The following GAB1 variants were observed in gnomAD, a reference collection of about 807,000 sequenced individuals.
GAB1 encodes GRB2 associated binding protein 1.
A neutral mutation model predicts 66.5 loss-of-function variants in GAB1; 19 were observed. That is an observed-to-expected ratio of 0.29 (90% CI 0.20 to 0.42). The LOEUF is 0.42. Among genes scored for constraint, GAB1 ranks in the 10% least tolerant of loss-of-function variants. The pLI is 1.00. For missense variants in GAB1, 732 were observed against 858.5 expected (o/e 0.85, Z 1.84); for synonymous variants, 294 against 301.4 (o/e 0.98, Z 0.25).
chr4:143,367,106 AC>A (rs1729913577), intron 1 of GAB1, among the ~76,000 whole-genome samples: 1 of 152,212 alleles, frequency 6.6e-6, no homozygotes. Context: ...TGAGACAGGG[AC>A]ATTTCTGTTG....
Position 143,469,473 on chromosome 4 carries a change from T to A in GAB1, c.*284T>A. 1 of 275,036 alleles carries A rather than the reference T, an allele frequency of 3.6e-6. No individual in the cohort carries two copies. Among genetic ancestry groups the A allele is most frequent in the East Asian group, 6.1e-5 (1 of 16,328 alleles). 17.0% of individuals were successfully genotyped at this position (275,036 alleles called of 1,614,324 possible). A position where few individuals can be genotyped will look rare whatever the true frequency, so the allele number is the denominator to read the frequency against. On this transcript the variant is annotated 3_prime_UTR_variant, in exon 10 of 10. Coordinates refer to ENST00000262994, the MANE Select transcript of GAB1 (RefSeq NM_002039.4). ...TCGTAGTATTACTGTATTTATGCAC[T>A]TTTTCATCTAAAACATTGTTCTGGG...
intron 2 of GAB1, chr4:143,425,185 T>C (rs536316883): frequency 3.1e-4 from 261 of 833,374 alleles, no homozygotes; most frequent in Non-Finnish European, 4.9e-4. Context: ...AGTGATGGCA[T>C]CTACATTATA....
intron 1 of GAB1, among the ~76,000 whole-genome samples, chr4:143,383,003 A>AT (rs1560731153): frequency 6.6e-6 from 1 of 152,108 alleles, no homozygotes; most frequent in African/African-American, 2.4e-5. Flanking sequence ...CTTCTTTTTA[A>AT]TTTAACAGTT....
chr4:143,345,705 A>G (rs1047992967), intron 1 of GAB1, among the ~76,000 whole-genome samples: 1 of 152,252 alleles, frequency 6.6e-6, no homozygotes, highest in Non-Finnish European at 1.5e-5. Flanking sequence ...ATGTCAAATA[A>G]TACCAAGGTC....
At chr4:143,337,401 T>C (rs1211049145) in intron 1 of GAB1, 141 bp downstream of exon 1, 13 of 722,646 alleles carry the variant, frequency 1.8e-5, no homozygotes, top group Non-Finnish European at 2.8e-5. Context: ...CCCCTACCCC[T>C]GGCGGGCTCG....
At chr4:143,425,159 C>A in intron 2 of GAB1, 1 of 818,912 alleles carries the variant, frequency 1.2e-6, no homozygotes, top group Non-Finnish European at 2.1e-6. Flanking sequence ...TGGAATAGTA[C>A]ATCTCTAAAA....
At chr4:143,361,615 T>TG (rs1003298674) in intron 1 of GAB1, among the ~76,000 whole-genome samples, 1 of 152,218 alleles carries the variant, frequency 6.6e-6, no homozygotes, top group African/African-American at 2.4e-5. Flanking sequence ...TGAACTGATC[T>TG]GGGGAATATA....
chr4:143,357,840 T>TAAA (rs1729509067), intron 1 of GAB1, among the ~76,000 whole-genome samples: 1 of 151,870 alleles, frequency 6.6e-6, no homozygotes, highest in Non-Finnish European at 1.5e-5. Flanking sequence ...TCTTCAAAGA[T>TAAA]GGTTCTTAAG....
At chr4:143,359,721 A>T (rs1248558613) in intron 1 of GAB1, among the ~76,000 whole-genome samples, 1 of 152,208 alleles carries the variant, frequency 6.6e-6, no homozygotes, top group Non-Finnish European at 1.5e-5. Context: ...TGGATGTCAA[A>T]GTCTTTCCTA....
chr4:143,431,126 C>T (rs1560764593), intron 2 of GAB1, among the ~76,000 whole-genome samples: 1 of 152,090 alleles, frequency 6.6e-6, no homozygotes, highest in Non-Finnish European at 1.5e-5. Flanking sequence ...CACAGACAGG[C>T]AGAAGAAAAT....
Position 143,337,079 on chromosome 4 carries a change from G to C in GAB1, c.-110G>C. 5.4e-6 allele frequency: 5 copies of C among 921,760 alleles called. No individual in the cohort carries two copies. Among genetic ancestry groups the C allele is most frequent in the Non-Finnish European group, 8.2e-6 (5 of 609,270 alleles). 57.1% of individuals were successfully genotyped at this position (921,760 alleles called of 1,614,324 possible). On this transcript the variant is annotated 5_prime_UTR_variant, in exon 1 of 10. Coordinates refer to ENST00000262994, the MANE Select transcript of GAB1 (RefSeq NM_002039.4). ...TCCGCCCAGTCCGTCCGGGGTGCGC[G>C]ACCAGGAGAGCTAGGTTCTCGCCAC...
chr4:143,459,941 A>T (rs543344066), intron 7 of GAB1, among the ~76,000 whole-genome samples: 27 of 152,304 alleles, frequency 1.8e-4, no homozygotes, highest in African/African-American at 6.5e-4. Flanking sequence ...GAGATTATTT[A>T]ACCGAGACTT....
intron 1 of GAB1, among the ~76,000 whole-genome samples, chr4:143,352,860 C>G (rs1729284996): frequency 6.6e-6 from 1 of 152,170 alleles, no homozygotes; most frequent in African/African-American, 2.4e-5. Flanking sequence ...GTATGCTGTG[C>G]TGCTTAAAAA....
chr4:143,390,409 GT>G (rs1054961533), intron 1 of GAB1, among the ~76,000 whole-genome samples: 3 of 149,878 alleles, frequency 2.0e-5, no homozygotes, highest in East Asian at 3.9e-4. Context: ...AATAAGTAGG[GT>G]TTTTTTTGTT....
At chr4:143,390,396 A>G (rs1228369048) in intron 1 of GAB1, among the ~76,000 whole-genome samples, 1 of 151,992 alleles carries the variant, frequency 6.6e-6, no homozygotes, top group Non-Finnish European at 1.5e-5. Context: ...TAATTTGTAA[A>G]GTAATAAGTA....
chr4:143,348,739 C>T (rs2149646084), intron 1 of GAB1, among the ~76,000 whole-genome samples: 1 of 152,346 alleles, frequency 6.6e-6, no homozygotes, highest in Middle Eastern at 3.4e-3. Context: ...CTTCCCTTGG[C>T]TTGCATGGCC....
intron 1 of GAB1, among the ~76,000 whole-genome samples, chr4:143,338,990 G>A (rs1457827454): frequency 1.3e-5 from 2 of 152,142 alleles, no homozygotes; most frequent in African/African-American, 2.4e-5. Flanking sequence ...TGCCTCTTGG[G>A]CTTAGAATTC....
chr4:143,345,764 G>C (rs569788456), intron 1 of GAB1, among the ~76,000 whole-genome samples: 1 of 152,266 alleles, frequency 6.6e-6, no homozygotes, highest in African/African-American at 2.4e-5. Flanking sequence ...ATTGCCTAGA[G>C]ATATTTAGCT....
At chr4:143,467,941 A>G (rs1052461359) in intron 9 of GAB1, among the ~76,000 whole-genome samples, 7 of 152,230 alleles carry the variant, frequency 4.6e-5, no homozygotes, top group African/African-American at 1.7e-4. Flanking sequence ...CAGTGCATTG[A>G]TAATTTTATT....
Sources: allele counts gnomAD v4.1 joint callset (sites outside exome capture counted in the v4.1 genomes callset), GRCh38; gene constraint gnomAD v4.1.1; transcripts MANE v1.5; gene names NCBI Gene and HGNC (gene_info 2026-07-23, HGNC 2026-07-21).